CDON: variants seen among roughly 807,000 people sequenced by gnomAD.
The protein encoded by CDON is cell adhesion associated, oncogene regulated.
In CDON, 73 loss-of-function variants were observed where a neutral mutation model predicts 120.9. The ratio of observed to expected loss-of-function variants is 0.60; its 90% CI spans 0.50 to 0.73. CDON has a LOEUF of 0.73. CDON is among the 30% of genes least tolerant of loss of function. CDON has a pLI of 0.00. For missense variants in CDON, 1,470 were observed against 1,587.3 expected (o/e 0.93, Z 1.26); for synonymous variants, 566 against 573.5 (o/e 0.99, Z 0.19).
At chr11:125,996,194 AC>A in intron 12 of CDON, among the ~76,000 whole-genome samples, 1 of 151,800 alleles carries the variant, frequency 6.6e-6, no homozygotes, top group Non-Finnish European at 1.5e-5. Context: ...ACACACACAC[AC>A]ACACACACAC....
intron 1 of CDON, among the ~76,000 whole-genome samples, chr11:126,029,478 T>C (rs1235648810): frequency 6.6e-6 from 1 of 152,192 alleles, no homozygotes; most frequent in Non-Finnish European, 1.5e-5. Context: ...GAATATTTGC[T>C]GACATTCAAA....
chr11:126,007,599 T>C (rs1233745437), intron 8 of CDON, among the ~76,000 whole-genome samples: 2 of 152,138 alleles, frequency 1.3e-5, no homozygotes, highest in African/African-American at 2.4e-5. Context: ...AGTTTTCCAC[T>C]GGGAAGTGGG....
intron 14 of CDON, among the ~76,000 whole-genome samples, chr11:125,991,524 T>C (rs1451384905): frequency 6.6e-6 from 1 of 152,222 alleles, no homozygotes; most frequent in Non-Finnish European, 1.5e-5. Flanking sequence ...ATAGTTTATC[T>C]AAATGTGGAA....
At chr11:126,049,098 T>G (rs1037244103) in intron 1 of CDON, among the ~76,000 whole-genome samples, 2 of 152,208 alleles carry the variant, frequency 1.3e-5, no homozygotes, top group Non-Finnish European at 2.9e-5. Context: ...AGCCATTTAA[T>G]TATAACCTAA....
Position 125,997,418 on chromosome 11 carries a change from C to A in CDON, c.2159-8G>T. The A allele has an allele frequency of 3.8e-6, 6 of 1,594,618 alleles. No individual in the cohort carries two copies. The highest frequency in any genetic ancestry group is 5.1e-6 in the Non-Finnish European group (6 of 1,165,230). ...GATCTGGTGCCTCTGGAACTAAACA[C>A]GGAAACGTTCATTTCAATAACCCAC... On this transcript the variant is annotated splice_region_variant and splice_polypyrimidine_tract_variant and intron_variant, in intron 11 of 19. Transcript: ENST00000531738.
chr11:126,010,140 A>C (rs545230893), intron 8 of CDON, among the ~76,000 whole-genome samples: 96 of 152,360 alleles, frequency 6.3e-4, no homozygotes, highest in African/African-American at 2.2e-3. Flanking sequence ...CAATCTTAAC[A>C]AACACATCAG....
At chr11:125,969,418 GAA>G (rs1366083390) in intron 18 of CDON, among the ~76,000 whole-genome samples, 2 of 152,190 alleles carry the variant, frequency 1.3e-5, no homozygotes, top group African/African-American at 4.8e-5. Context: ...TAGTAAATAA[GAA>G]AACAGGACAA....
chr11:126,033,528 A>T (rs1264612659), intron 1 of CDON, among the ~76,000 whole-genome samples: 1 of 152,206 alleles, frequency 6.6e-6, no homozygotes, highest in Non-Finnish European at 1.5e-5. Context: ...AAAAAAGGAA[A>T]AGACAGAAAT....
intron 18 of CDON, among the ~76,000 whole-genome samples, chr11:125,970,996 T>G (rs1333579779): frequency 1.3e-5 from 2 of 152,162 alleles, no homozygotes; most frequent in African/African-American, 4.8e-5. Context: ...GCCTGTTTTC[T>G]GCTGGAAGAA....
intron 1 of CDON, among the ~76,000 whole-genome samples, chr11:126,045,389 G>A (rs1948381015): frequency 6.6e-6 from 1 of 152,054 alleles, no homozygotes; most frequent in South Asian, 2.1e-4. Flanking sequence ...AAAAATAATG[G>A]TAATCATGCT....
Position 126,052,553 on chromosome 11 carries a change from T to G in CDON, c.-62+10026A>C, listed in dbSNP as rs186781275. Among the ~76,000 whole-genome samples the G allele has an allele frequency of 6.0e-4, 91 of 152,326 alleles. No individual in the cohort carries two copies. The East Asian group carries it at 0.016, about 27-fold the overall frequency. On this transcript the variant is annotated intron_variant, in intron 1 of 19. Coordinates refer to ENST00000531738, the MANE Select transcript of CDON (RefSeq NM_001378964.1). ...AAAAAATAATACAGGCCACGCGTGG[T>G]GGCTCACGCCTGTAATCCCAGCACT... is the stretch of plus-strand genomic sequence containing the variant.
At chr11:126,057,020 G>A (rs888752062) in intron 1 of CDON, among the ~76,000 whole-genome samples, 2 of 152,174 alleles carry the variant, frequency 1.3e-5, no homozygotes, top group Admixed American at 1.3e-4. Context: ...ACCTTAGATG[G>A]TCCTTTTCCC....
intron 5 of CDON, 136 bp from the exon 6 acceptor site, chr11:126,017,511 T>A (rs1947506125): frequency 1.2e-6 from 1 of 839,806 alleles, no homozygotes; most frequent in Non-Finnish European, 1.9e-6. Flanking sequence ...AAATCCTTTT[T>A]AGTTGAGGAT....
chr11:126,010,764 T>A (rs1947279962), intron 7 of CDON, 70 bp from the exon 8 acceptor site: 1 of 1,229,170 alleles, frequency 8.1e-7, no homozygotes, highest in Non-Finnish European at 1.2e-6. Flanking sequence ...AACAACTTCA[T>A]CCTATCACGT....
chr11:125,981,459 A>G (rs1417822240), intron 16 of CDON, 130 bp from the exon 17 acceptor site: 4 of 943,852 alleles, frequency 4.2e-6, no homozygotes, highest in African/African-American at 3.3e-5. Flanking sequence ...GACACTAAAA[A>G]GGACAATCTT....
Position 126,015,450 on chromosome 11 carries a change from T to C in CDON, c.989A>G (p.His330Arg), listed in dbSNP as rs1421958761. The C allele has an allele frequency of 6.2e-7, 1 of 1,614,076 alleles. No individual in the cohort carries two copies. Among genetic ancestry groups the C allele is most frequent in the Non-Finnish European group, 8.5e-7 (1 of 1,179,970 alleles). ...DQIVSLGATV[H>R]FTCDVHGNPA... ...GTTCCCATGAACGTCGCAGGTAAAG[T>C]GTACTGTGGCACCCAGAGACACTAT... is the stretch of plus-strand genomic sequence containing the variant. The change falls in exon 7 of 20, where the codon CAC becomes CGC. Residue 330 changes from histidine (H) to arginine (R), a missense_variant. Coordinates refer to ENST00000531738, the MANE Select transcript of CDON (RefSeq NM_001378964.1).
At chr11:125,980,418 A>G (rs1946263854) in intron 17 of CDON, among the ~76,000 whole-genome samples, 2 of 152,254 alleles carry the variant, frequency 1.3e-5, no homozygotes, top group South Asian at 4.1e-4. Context: ...ATGAAAGGTC[A>G]GAAGTCACAA....
intron 8 of CDON, among the ~76,000 whole-genome samples, chr11:126,009,945 A>G (rs1947243151): frequency 6.6e-6 from 1 of 152,210 alleles, no homozygotes; most frequent in African/African-American, 2.4e-5. Context: ...GGTATTACTT[A>G]ATAGTACCAC....
rs1345728536 is a variant in CDON, at chr11:126,034,572, CTTTCTAAGAGACTA to C, written c.-61-11049_-61-11036del. ...AAGTCAAGTGTTCCTGTTCCACTCT[CTTTCTAAGAGACTA>C]TTTCTTCCTGCCACTAGAGCACAGG... On this transcript the variant is annotated intron_variant, in intron 1 of 19. Transcript: ENST00000531738. The surrounding 1 kb of genome is among the most constrained non-coding windows in gnomAD (Gnocchi z 4.5). Among the ~76,000 whole-genome samples the C allele has an allele frequency of 6.6e-6, 1 of 152,160 alleles. No homozygotes were observed. Among genetic ancestry groups the C allele is most frequent in the African/African-American group, 2.4e-5 (1 of 41,436 alleles).
Sources: allele counts gnomAD v4.1 joint callset (sites outside exome capture counted in the v4.1 genomes callset), GRCh38; gene constraint gnomAD v4.1.1; non-coding constraint Gnocchi (gnomAD v3.1); transcripts MANE v1.5; gene names NCBI Gene and HGNC (gene_info 2026-07-23, HGNC 2026-07-21).